Variants in DUS2 observed in about 807,000 individuals in gnomAD.
DUS2 encodes the protein dihydrouridine synthase 2, also known as tRNA-dihydrouridine(20) synthase [NAD(P)+]-like.
A neutral mutation model predicts 71.3 loss-of-function variants in DUS2; 52 were observed. The ratio of observed to expected loss-of-function variants is 0.73; its 90% CI spans 0.58 to 0.92. The LOEUF (loss-of-function observed/expected upper bound fraction) is 0.92. DUS2 is among the 40% of genes least tolerant of loss of function. The probability of loss-of-function intolerance (pLI) is 0.00; values close to 1 mark genes in which losing one functional copy is unlikely to be tolerated. For missense variants in DUS2, 558 were observed against 622.6 expected (o/e 0.90, Z 1.10); for synonymous variants, 204 against 227.8 (o/e 0.90, Z 0.94).
rs767700021 is a variant in DUS2, at chr16:68,078,799, G to A, written c.1295G>A (p.Arg432Gln). The change falls in exon 17 of 17, where the codon CGG becomes CAG. Residue 432 changes from arginine (R) to glutamine (Q), a missense_variant. Physicochemically the swap from Arg to Gln is conservative, Grantham distance 43. Coordinates refer to ENST00000565263, the MANE Select transcript of DUS2 (RefSeq NM_017803.5). ...CAGGCTGCAGCCATCGTCTGTCTGC[G>A]GAGCCAGGGCCTCCCTGAGGGTCGG... ...AEQAAAIVCLRSQGLPEGRLG... is the reference protein window; with the variant it reads ...AEQAAAIVCLQSQGLPEGRLG... 9.9e-6 allele frequency: 16 copies of A among 1,612,552 alleles called. No individual in the cohort carries two copies. Among genetic ancestry groups the A allele is most frequent in the African/African-American group, 4.0e-5 (3 of 74,908 alleles).
Position 68,076,717 on chromosome 16 carries a change from A to G in DUS2, c.1168A>G (p.Thr390Ala), listed in dbSNP as rs756484137. ...GAAGTTGGCACAGCCTGTGTATGAAACGGTGAGTTCCTGGCTGTGGCCTGC... is the reference window on the plus strand; with the variant it reads ...GAAGTTGGCACAGCCTGTGTATGAAGCGGTGAGTTCCTGGCTGTGGCCTGC... ...REKLAQPVYE[T>A]VQRPLDRLFS... The change falls in exon 15 of 17, where the codon ACG becomes GCG. Residue 390 changes from threonine (T) to alanine (A), a missense_variant and splice_region_variant. By Grantham distance (58) the Thr-to-Ala change is moderately conservative (BLOSUM62 0). Coordinates refer to ENST00000565263, the MANE Select transcript of DUS2 (RefSeq NM_017803.5). 7 of 1,613,562 alleles carry G rather than the reference A, an allele frequency of 4.3e-6. No individual in the cohort carries two copies. Among genetic ancestry groups the G allele is most frequent in the East Asian group, 2.2e-5 (1 of 44,848 alleles).
intron 2 of DUS2, among the ~76,000 whole-genome samples, chr16:68,031,219 A>G (rs893938420): frequency 3.3e-5 from 5 of 152,212 alleles, no homozygotes; most frequent in Non-Finnish European, 4.4e-5. Flanking sequence ...CCAGGCTGGA[A>G]TGCAGTGGCG....
At chr16:68,024,735 T>A (rs1252928714) in intron 1 of DUS2, among the ~76,000 whole-genome samples, 2 of 151,956 alleles carry the variant, frequency 1.3e-5, no homozygotes, top group African/African-American at 2.4e-5. Flanking sequence ...TTTTGAGTAG[T>A]GATGGGTGAA....
chr16:68,031,467 ACT>A (rs1033218953), intron 2 of DUS2, among the ~76,000 whole-genome samples: 9 of 151,754 alleles, frequency 5.9e-5, no homozygotes, highest in Non-Finnish European at 8.8e-5. Context: ...CTGGCCATGA[ACT>A]CTGTTTCTAA....
Position 68,070,979 on chromosome 16 carries a change from A to G in DUS2, c.681A>G (p.Ile227Met), listed in dbSNP as rs763284061. 2 of 1,614,230 alleles carry G rather than the reference A, an allele frequency of 1.2e-6. No homozygotes were observed. The highest frequency in any genetic ancestry group is 2.2e-5 in the South Asian group (2 of 91,088). ...ACCACATCCAACAGTATTCGGACAT[A>G]GAGGACTTTCGACAAGCCACGGCAG... Reference protein sequence around the residue: ...SHDHIQQYSDIEDFRQATAAS... With the variant: ...SHDHIQQYSDMEDFRQATAAS... The change falls in exon 12 of 17, where the codon ATA becomes ATG. Residue 227 changes from isoleucine (I) to methionine (M), a missense_variant. Coordinates refer to ENST00000565263, the MANE Select transcript of DUS2 (RefSeq NM_017803.5).
At chr16:68,032,496 G>T (rs991431408) in intron 2 of DUS2, among the ~76,000 whole-genome samples, 1 of 152,212 alleles carries the variant, frequency 6.6e-6, no homozygotes, top group Non-Finnish European at 1.5e-5. Context: ...TGTTTGGAAA[G>T]CATGGGACCA....
chr16:68,026,397 G>T (rs186889919), intron 2 of DUS2, among the ~76,000 whole-genome samples: 23 of 152,266 alleles, frequency 1.5e-4, no homozygotes, highest in Non-Finnish European at 2.8e-4. Flanking sequence ...AATAAAAAGT[G>T]CTATTGGTAT....
chr16:68,071,621 C>G (rs1295376864), intron 12 of DUS2, among the ~76,000 whole-genome samples: 1 of 151,636 alleles, frequency 6.6e-6, no homozygotes, highest in African/African-American at 2.4e-5. Context: ...AAGCATAACC[C>G]TCTACTTAGG....
chr16:68,026,072 C>A (rs2033344299), intron 2 of DUS2, among the ~76,000 whole-genome samples: 1 of 152,174 alleles, frequency 6.6e-6, no homozygotes, highest in South Asian at 2.1e-4. Flanking sequence ...CTCACTGTAA[C>A]CTCTGCCTCC....
In DUS2 at chr16:68,041,363, G is replaced by A. The variant is rs1012489361; in HGVS notation, c.126+3214G>A. On this transcript the variant is annotated intron_variant, in intron 3 of 16. Coordinates refer to ENST00000565263, the MANE Select transcript of DUS2 (RefSeq NM_017803.5). ...GTTTTTGGGAGGTGCTGCAGAGGCC[G>A]CGTTCCTGTTTCTTTTTATAAGAAT... 8.5e-5 allele frequency among the ~76,000 whole-genome samples: 13 copies of A among 152,124 alleles called. No individual in the cohort carries two copies. The South Asian group carries it at 1.0e-3, about 12-fold the overall frequency.
chr16:68,023,289 G>T lies in DUS2; in HGVS notation c.-161G>T. The T allele has an allele frequency of 1.4e-6, 2 of 1,439,058 alleles. No homozygotes were observed. Among genetic ancestry groups the T allele is most frequent in the Non-Finnish European group, 1.9e-6 (2 of 1,067,574 alleles). The allele number at this position is 1,439,058 out of a possible 1,614,324, so 89.1% of individuals were successfully genotyped here. A position where few individuals can be genotyped will look rare whatever the true frequency, so the allele number is the denominator to read the frequency against. On this transcript the variant is annotated 5_prime_UTR_variant, in exon 1 of 17. Coordinates refer to ENST00000565263, the MANE Select transcript of DUS2 (RefSeq NM_017803.5). ...TACGGTGGCTGGCGAGGCTCAGTAC[G>T]GTGTGTGGAGCTGGAGCACCGTGAG...
intron 2 of DUS2, among the ~76,000 whole-genome samples, chr16:68,030,367 G>A (rs1428358056): frequency 6.6e-6 from 1 of 152,082 alleles, no homozygotes; most frequent in East Asian, 1.9e-4. Flanking sequence ...GCTGAGGCGG[G>A]TGGATCACTT....
chr16:68,078,265 T>G, intron 15 of DUS2, 180 bp from the exon 16 acceptor site: 2 of 628,504 alleles, frequency 3.2e-6, no homozygotes, highest in Non-Finnish European at 2.8e-6. Flanking sequence ...CTTGAGGTCA[T>G]TGTGTATTTG....
At chr16:68,069,085 T>C (rs1410222151) in intron 10 of DUS2, among the ~76,000 whole-genome samples, 2 of 151,992 alleles carry the variant, frequency 1.3e-5, no homozygotes, top group African/African-American at 4.8e-5. Flanking sequence ...TCGACCCTTT[T>C]GTTGAAGAGT....
At chr16:68,054,757 G>C in intron 6 of DUS2, 140 bp downstream of exon 6, 2 of 1,062,186 alleles carry the variant, frequency 1.9e-6, no homozygotes, top group Non-Finnish European at 2.9e-6. Context: ...AGAGTGCCTG[G>C]TTTCCAGCCA....
intron 8 of DUS2, among the ~76,000 whole-genome samples, chr16:68,065,375 C>G (rs1046915923): frequency 1.3e-5 from 2 of 149,848 alleles, no homozygotes; most frequent in Non-Finnish European, 2.9e-5. Flanking sequence ...TCTGCCCCCC[C>G]GCTTTTTTTT....
intron 2 of DUS2, among the ~76,000 whole-genome samples, chr16:68,036,084 C>T (rs747411557): frequency 6.6e-6 from 1 of 151,258 alleles, no homozygotes; most frequent in Non-Finnish European, 1.5e-5. Context: ...GCAACCTCCA[C>T]CTCCTGGGTT....
chr16:68,069,886 G>C (rs2034059350), intron 10 of DUS2, among the ~76,000 whole-genome samples: 1 of 152,128 alleles, frequency 6.6e-6, no homozygotes, highest in South Asian at 2.1e-4. Flanking sequence ...CTGCAGCCAG[G>C]CCTCCCCTGC....
At chr16:68,052,519 T>C (rs997963747) in intron 4 of DUS2, among the ~76,000 whole-genome samples, 8 of 152,216 alleles carry the variant, frequency 5.3e-5, no homozygotes, top group African/African-American at 1.9e-4. Context: ...GATTGTTATA[T>C]AGTAACCTTC....
Sources: allele counts gnomAD v4.1 joint callset (sites outside exome capture counted in the v4.1 genomes callset), GRCh38; gene constraint gnomAD v4.1.1; transcripts MANE v1.5; gene names NCBI Gene and HGNC (gene_info 2026-07-23, HGNC 2026-07-21).